RAB28: variants seen among roughly 807,000 people sequenced by gnomAD.
RAB28 encodes the protein RAB28, member RAS oncogene family, also known as ras-related protein Rab-28.
A neutral mutation model predicts 31.7 loss-of-function variants in RAB28; 24 were observed. The ratio of observed to expected loss-of-function variants is 0.76; its 90% CI spans 0.55 to 1.06. The LOEUF is 1.06. RAB28 is among the 50% of genes least tolerant of loss of function. The pLI is 0.00. For missense variants in RAB28, 254 were observed against 258.5 expected (o/e 0.98, Z 0.12); for synonymous variants, 100 against 90.4 (o/e 1.11, Z -0.60).
At chr4:13,373,483 G>A (rs1728796434) in intron 6 of RAB28, among the ~76,000 whole-genome samples, 1 of 152,138 alleles carries the variant, frequency 6.6e-6, no homozygotes, top group Non-Finnish European at 1.5e-5. Flanking sequence ...TATTCTGGGA[G>A]CTCCTTGAGG....
chr4:13,478,000 T>A (rs987035635), intron 2 of RAB28, among the ~76,000 whole-genome samples: 2 of 151,490 alleles, frequency 1.3e-5, no homozygotes, highest in Non-Finnish European at 1.5e-5. Flanking sequence ...AAGAAGTTGG[T>A]GGCTTTTCAA....
intron 4 of RAB28, among the ~76,000 whole-genome samples, chr4:13,423,389 T>G (rs1713285562): frequency 1.3e-5 from 2 of 150,844 alleles, no homozygotes; most frequent in African/African-American, 4.9e-5. Context: ...TACAAAAAAT[T>G]AGCTGGGCGT....
chr4:13,401,375 T>C (rs992006724), intron 4 of RAB28, among the ~76,000 whole-genome samples: 1 of 152,114 alleles, frequency 6.6e-6, no homozygotes, highest in African/African-American at 2.4e-5. Flanking sequence ...CATGGCCTGT[T>C]GCGGGGAGGG....
chr4:13,431,917 A>T (rs1713828065), intron 4 of RAB28, among the ~76,000 whole-genome samples: 1 of 152,186 alleles, frequency 6.6e-6, no homozygotes, highest in South Asian at 2.1e-4. Context: ...AAAGAACAGT[A>T]CTACCTCTCT....
chr4:13,376,101 T>C (rs1049387466), intron 6 of RAB28, among the ~76,000 whole-genome samples: 1 of 152,086 alleles, frequency 6.6e-6, no homozygotes, highest in African/African-American at 2.4e-5. Context: ...AAGAAAACTA[T>C]CTAGGAATAG....
chr4:13,475,396 GAAAAT>G (rs779159447), intron 2 of RAB28, among the ~76,000 whole-genome samples: 17 of 150,928 alleles, frequency 1.1e-4, no homozygotes, highest in Non-Finnish European at 1.8e-4. Flanking sequence ...CAAATCAAAA[GAAAAT>G]AAAAGATTAG....
intron 4 of RAB28, among the ~76,000 whole-genome samples, chr4:13,415,002 T>C (rs1712662284): frequency 6.6e-6 from 1 of 152,208 alleles, no homozygotes; most frequent in African/African-American, 2.4e-5. Context: ...AAAGTCAGTA[T>C]TAAGGGTTCT....
chr4:13,393,844 A>C (rs1729752643), intron 4 of RAB28, among the ~76,000 whole-genome samples: 1 of 143,140 alleles, frequency 7.0e-6, no homozygotes, highest in Admixed American at 7.3e-5. Flanking sequence ...GAGCTATAAA[A>C]TCACAGGCTA....
At chr4:13,474,127 C>A (rs749593880) in intron 3 of RAB28, 191 bp downstream of exon 3, 1 of 724,640 alleles carries the variant, frequency 1.4e-6, no homozygotes, top group South Asian at 1.4e-5. Flanking sequence ...TGTTCCCTCA[C>A]CCAAATCACT....
intron 4 of RAB28, among the ~76,000 whole-genome samples, chr4:13,434,130 A>G (rs76569511): frequency 0.016 from 2,384 of 152,270 alleles, 34 homozygotes; most frequent in South Asian, 0.026. Flanking sequence ...ATGGACATAA[A>G]GAAGGGAGAA....
At chr4:13,433,402 A>C (rs1447261015) in intron 4 of RAB28, among the ~76,000 whole-genome samples, 1 of 152,154 alleles carries the variant, frequency 6.6e-6, no homozygotes, top group East Asian at 1.9e-4. Context: ...TTTGCACACT[A>C]TGTATCCAGG....
At chr4:13,432,729 G>A (rs905795822) in intron 4 of RAB28, among the ~76,000 whole-genome samples, 6 of 152,052 alleles carry the variant, frequency 3.9e-5, no homozygotes, top group Non-Finnish European at 8.8e-5. Flanking sequence ...TTCTAGACAA[G>A]TAAACACTAA....
intron 4 of RAB28, among the ~76,000 whole-genome samples, chr4:13,457,634 T>C (rs369052939): frequency 1.3e-5 from 2 of 152,056 alleles, no homozygotes; most frequent in South Asian, 2.1e-4. Context: ...ACCTCTTGTC[T>C]TTTATGCTAT....
In RAB28 at chr4:13,484,227, G is replaced by A; in HGVS notation, c.-77C>T. 1.7e-6 allele frequency: 2 copies of A among 1,180,136 alleles called. No individual in the cohort carries two copies. Among genetic ancestry groups the A allele is most frequent in the Non-Finnish European group, 2.5e-6 (2 of 811,230 alleles). 73.1% of individuals were successfully genotyped at this position (1,180,136 alleles called of 1,614,324 possible). A position where few individuals can be genotyped will look rare whatever the true frequency, so the allele number is the denominator to read the frequency against. On this transcript the variant is annotated 5_prime_UTR_variant, in exon 1 of 7. Transcript: ENST00000330852. Reference sequence around the variant, plus strand: ...TGAAGGCTCCGGGGGCGGGGGAGAGGAGGAAGGGAGGTAGTTGCGGCAGGA... The same window carrying A: ...TGAAGGCTCCGGGGGCGGGGGAGAGAAGGAAGGGAGGTAGTTGCGGCAGGA...
intron 3 of RAB28, among the ~76,000 whole-genome samples, chr4:13,469,391 A>T (rs1716014212): frequency 6.6e-6 from 1 of 151,800 alleles, no homozygotes; most frequent in African/African-American, 2.4e-5. Context: ...TTCTCAATTT[A>T]CGTTCCAGCT....
At chr4:13,470,711 A>C (rs886851154) in intron 3 of RAB28, among the ~76,000 whole-genome samples, 15 of 152,096 alleles carry the variant, frequency 9.9e-5, no homozygotes, top group African/African-American at 3.6e-4. Context: ...CCACTATGAA[A>C]AATCCCCTAT....
intron 4 of RAB28, among the ~76,000 whole-genome samples, chr4:13,445,051 A>T (rs1360633782): frequency 6.6e-6 from 1 of 151,766 alleles, no homozygotes; most frequent in South Asian, 2.1e-4. Context: ...ACATAGTACC[A>T]TATTTCTTGG....
intron 3 of RAB28, among the ~76,000 whole-genome samples, chr4:13,465,582 A>T (rs1715798695): frequency 6.6e-6 from 1 of 151,894 alleles, no homozygotes; most frequent in Admixed American, 6.6e-5. Context: ...AGAAATAAAG[A>T]TCTTCTCAGA....
intron 6 of RAB28, chr4:13,371,941 T>A: frequency 7.2e-7 from 1 of 1,382,072 alleles, no homozygotes; most frequent in Non-Finnish European, 1.0e-6. Context: ...GCCAAGTGTA[T>A]ACTGGAAATG....
Sources: gnomAD v4.1 joint callset for allele counts (sites outside exome capture counted in the v4.1 genomes callset) on GRCh38, gnomAD v4.1.1 for gene constraint, MANE v1.5 for transcripts, NCBI Gene and HGNC (gene_info 2026-07-23, HGNC 2026-07-21) for gene names.